The following SREK1 variants were observed in gnomAD, a reference collection of about 807,000 sequenced individuals.
SREK1 encodes splicing regulatory glutamine/lysine-rich protein 1.
Under a neutral mutation model 66.5 loss-of-function variants are expected in SREK1, and 13 were observed. That is an observed-to-expected ratio of 0.20 (90% confidence interval 0.13 to 0.31). The LOEUF (loss-of-function observed/expected upper bound fraction) is 0.31, where lower values mean the gene tolerates loss of function less well. Ranked by LOEUF, SREK1 falls within the 10% of genes least tolerant of loss-of-function variation. SREK1 has a pLI of 1.00. For missense variants in SREK1, 607 were observed against 769.6 expected (o/e 0.79, Z 2.50); for synonymous variants, 265 against 263.5 (o/e 1.01, Z -0.05).
At chr5:66,149,334 T>A (rs192870145) in intron 1 of SREK1, among the ~76,000 whole-genome samples, 3 of 150,970 alleles carry the variant, frequency 2.0e-5, no homozygotes, top group African/African-American at 4.9e-5. Context: ...CGGGTGACAG[T>A]GTGAAACTCT....
intron 7 of SREK1, chr5:66,166,071 A>T (rs1472384549): frequency 6.6e-6 from 1 of 152,250 alleles, no homozygotes; most frequent in East Asian, 1.9e-4. Flanking sequence ...TTTCAGAACC[A>T]AGTGAAGGAG....
Position 66,181,109 on chromosome 5 carries a change from A to T in SREK1, c.*2241A>T, listed in dbSNP as rs1306163804. The stretch of plus-strand genomic sequence containing the variant: ...TTGCTGCTAATTATTTTCTCTGCTG[A>T]TATTTATTAAGCTTTAAAATAATCG... On this transcript the variant is annotated 3_prime_UTR_variant, in exon 12 of 12. Coordinates refer to ENST00000334121, the MANE Select transcript of SREK1 (RefSeq NM_001077199.3). 3 of 152,228 alleles carry T rather than the reference A, an allele frequency of 2.0e-5. No individual in the cohort carries two copies. Among genetic ancestry groups the T allele is most frequent in the Non-Finnish European group, 2.9e-5 (2 of 68,030 alleles). 9.4% of individuals were successfully genotyped at this position (152,228 alleles called of 1,614,324 possible). A position where few individuals can be genotyped will look rare whatever the true frequency, so the allele number is the denominator to read the frequency against.
chr5:66,147,504 A>G (rs1250775049), intron 1 of SREK1, among the ~76,000 whole-genome samples: 1 of 152,118 alleles, frequency 6.6e-6, no homozygotes, highest in African/African-American at 2.4e-5. Flanking sequence ...GTTCCCCGTG[A>G]CCCCCTTCAA....
rs917738004 is a variant in SREK1 at position 66,177,401 on chromosome 5, T to C, written c.1581-113T>C. The C allele has an allele frequency of 3.2e-6, 3 of 925,082 alleles. No individual in the cohort carries two copies. In the Admixed American group the frequency reaches 1.0e-4, roughly 31 times the overall value. 57.3% of individuals were successfully genotyped at this position (925,082 alleles called of 1,614,324 possible). A position where few individuals can be genotyped will look rare whatever the true frequency, so the allele number is the denominator to read the frequency against. On this transcript the variant is annotated intron_variant, in intron 10 of 11. Coordinates refer to ENST00000334121, the MANE Select transcript of SREK1 (RefSeq NM_001077199.3). ...TTGCAAACCAGCTTACTGTTGATGC[T>C]TATTAACAATGCATTATTTTAGATA...
intron 1 of SREK1, 84 bp downstream of exon 1, chr5:66,144,621 G>C (rs1204370006): frequency 2.0e-6 from 3 of 1,466,170 alleles, no homozygotes; most frequent in East Asian, 2.5e-5. Flanking sequence ...GCGCGGACGC[G>C]GGCGCGCGGT....
intron 9 of SREK1, 58 bp downstream of exon 9, chr5:66,171,005 A>AT (rs978828859): frequency 7.1e-6 from 11 of 1,540,286 alleles, no homozygotes; most frequent in African/African-American, 5.6e-5. Flanking sequence ...TGGAAACAAA[A>AT]TTTTTTACGG....
Position 66,153,416 on chromosome 5 carries a change from C to G in SREK1, c.162-47C>G, listed in dbSNP as rs756930879. ...GAAATTTTAAGTGAAAATGATAAAA[C>G]CAAGCAAATGTTTATTAGTTCAATT... On this transcript the variant is annotated intron_variant, in intron 1 of 11. Coordinates refer to ENST00000334121, the MANE Select transcript of SREK1 (RefSeq NM_001077199.3). The G allele has an allele frequency of 3.8e-6, 6 of 1,578,178 alleles. No individual in the cohort carries two copies. In the African/African-American group the frequency reaches 4.1e-5, roughly 11 times the overall value.
In SREK1 at chr5:66,159,351, G is replaced by T. The variant is rs998564920; in HGVS notation, c.411+17G>T. ...TTGACTACTGTAAGTACTATAAGCT[G>T]GCTTATGAAAGAGGTGAATGTTCAA... On this transcript the variant is annotated intron_variant, in intron 3 of 11. Coordinates refer to ENST00000334121, the MANE Select transcript of SREK1 (RefSeq NM_001077199.3). 2.5e-6 allele frequency: 4 copies of T among 1,577,442 alleles called. No homozygotes were observed. The highest frequency in any genetic ancestry group is 3.4e-6 in the Non-Finnish European group (4 of 1,161,942).
At position 66,178,871 on chromosome 5, in the gene SREK1, C is replaced by T; in HGVS notation, c.*3C>T. The T allele has an allele frequency of 6.2e-7, 1 of 1,608,218 alleles. No individual in the cohort carries two copies. The highest frequency in any genetic ancestry group is 1.7e-5 in the Admixed American group (1 of 59,532). Reference sequence around the variant, plus strand: ...CTACCAAAACAGAAGCAGTATAGGACCGACAAGTGTACCTCTGCACTCAAT... The same window carrying T: ...CTACCAAAACAGAAGCAGTATAGGATCGACAAGTGTACCTCTGCACTCAAT... On this transcript the variant is annotated 3_prime_UTR_variant, in exon 12 of 12. Coordinates refer to ENST00000334121, the MANE Select transcript of SREK1 (RefSeq NM_001077199.3).
chr5:66,170,248 C>G (rs1745518865), intron 8 of SREK1, 78 bp downstream of exon 8: 1 of 1,461,430 alleles, frequency 6.8e-7, no homozygotes. Flanking sequence ...TTTTAATTGG[C>G]TTCATTTGTT....
At chr5:66,155,611 A>C (rs761410846) in intron 2 of SREK1, among the ~76,000 whole-genome samples, 1 of 152,226 alleles carries the variant, frequency 6.6e-6, no homozygotes, top group African/African-American at 2.4e-5. Context: ...TGTTGACCTC[A>C]CTGAATGCAT....
At chr5:66,144,656 T>C (rs1161218444) in intron 1 of SREK1, 119 bp downstream of exon 1, 2 of 1,418,668 alleles carry the variant, frequency 1.4e-6, no homozygotes, top group African/African-American at 1.5e-5. Context: ...CGCGCCGGCT[T>C]ACCTTGGTGC....
At chr5:66,147,855 T>TTTAATAAAAGAC (rs1554074771) in intron 1 of SREK1, among the ~76,000 whole-genome samples, 1 of 152,084 alleles carries the variant, frequency 6.6e-6, no homozygotes, top group Non-Finnish European at 1.5e-5. Flanking sequence ...TATCATTATG[T>TTTAATAAAAGAC]AATATATGTA....
intron 7 of SREK1, chr5:66,165,952 A>G (rs1745141203): frequency 6.6e-6 from 1 of 152,196 alleles, no homozygotes; most frequent in South Asian, 2.1e-4. Context: ...GATTCTAGTA[A>G]ACAAGTATAC....
chr5:66,145,063 A>AT (rs995518768), intron 1 of SREK1: 1 of 985,682 alleles, frequency 1.0e-6, no homozygotes, highest in African/African-American at 1.7e-5. Context: ...CAAACTTAGC[A>AT]TTTTGGTTTA....
At position 66,177,514 on chromosome 5, in the gene SREK1, C is replaced by T. The variant is rs1254389142; in HGVS notation, c.1581C>T (p.Ser527=). ...AACTGACATATCAATATTCTTATAG[C>T]AGAAATAAGAAGGATAAAAAGAGAG... ...RKSSRSPSPR[S]RNKKDKKREK... is the part of the protein sequence containing the mutation. Residue 527 remains serine, a splice_region_variant and synonymous_variant, in exon 11 of 12, where the codon AGC becomes AGT. Coordinates refer to ENST00000334121, the MANE Select transcript of SREK1 (RefSeq NM_001077199.3). The T allele has an allele frequency of 3.8e-6, 6 of 1,566,122 alleles. No individual in the cohort carries two copies. The highest frequency in any genetic ancestry group is 5.2e-6 in the Non-Finnish European group (6 of 1,157,926).
chr5:66,144,587 T>G, intron 1 of SREK1, 50 bp downstream of exon 1: 1 of 1,512,690 alleles, frequency 6.6e-7, no homozygotes, highest in South Asian at 1.2e-5. Flanking sequence ...CATAGAGACC[T>G]CGGGAGCCGA....
At chr5:66,152,217 G>A (rs775095074) in intron 1 of SREK1, among the ~76,000 whole-genome samples, 2 of 152,166 alleles carry the variant, frequency 1.3e-5, no homozygotes, top group Non-Finnish European at 2.9e-5. Context: ...ATAGTTTTAA[G>A]TTCTAAATGC....
intron 7 of SREK1, chr5:66,168,170 C>G (rs937809256): frequency 6.6e-6 from 1 of 151,074 alleles, no homozygotes; most frequent in Non-Finnish European, 1.5e-5. Flanking sequence ...ATTATTTTTA[C>G]AGCCAAATAG....
Sources: gnomAD v4.1 joint callset for allele counts (sites outside exome capture counted in the v4.1 genomes callset) on GRCh38, gnomAD v4.1.1 for gene constraint, MANE v1.5 for transcripts, NCBI Gene and HGNC (gene_info 2026-07-23, HGNC 2026-07-21) for gene names.